The following ARK2C variants were observed in gnomAD, a reference collection of about 807,000 sequenced individuals.
ARK2C encodes E3 ubiquitin-protein ligase ARK2C.
chr18:46,436,711 A>G, the ARK2C span, among the ~76,000 whole-genome samples: 46 of 152,124 alleles, frequency 3.0e-4, no homozygotes, highest in African/African-American at 1.1e-3. Flanking sequence ...TCTCAGGTAC[A>G]CTCTCCATTA....
At chr18:46,443,807 T>C in the ARK2C span, among the ~76,000 whole-genome samples, 1 of 152,202 alleles carries the variant, frequency 6.6e-6, no homozygotes. Flanking sequence ...GGAAAAATAA[T>C]TTTTTATATG....
At chr18:46,352,224 C>G in the ARK2C span, among the ~76,000 whole-genome samples, 1 of 152,122 alleles carries the variant, frequency 6.6e-6, no homozygotes, top group Non-Finnish European at 1.5e-5. Flanking sequence ...TTGATGAACT[C>G]CAGCTGGTCA....
chr18:46,413,983 G>A, the ARK2C span, among the ~76,000 whole-genome samples: 1 of 152,122 alleles, frequency 6.6e-6, no homozygotes, highest in South Asian at 2.1e-4. Flanking sequence ...AGCATGCTCG[G>A]GTTCCTCTCT....
At chr18:46,417,231 C>T in the ARK2C span, among the ~76,000 whole-genome samples, 7 of 152,244 alleles carry the variant, frequency 4.6e-5, no homozygotes, top group Admixed American at 1.3e-4. Context: ...GTTCCTGCTT[C>T]TTACCTTTGC....
At chr18:46,423,427 T>C in the ARK2C span, among the ~76,000 whole-genome samples, 1 of 152,258 alleles carries the variant, frequency 6.6e-6, no homozygotes, top group Middle Eastern at 3.4e-3. Flanking sequence ...GTTACTGTCA[T>C]AGGCAGGAAC....
the ARK2C span, among the ~76,000 whole-genome samples, chr18:46,379,148 A>G: frequency 3.9e-5 from 6 of 152,104 alleles, no homozygotes; most frequent in Non-Finnish European, 8.8e-5. Context: ...AGGCCCCCCA[A>G]CCCTCTGATT....
At chr18:46,339,042 A>C in the ARK2C span, among the ~76,000 whole-genome samples, 1 of 152,130 alleles carries the variant, frequency 6.6e-6, no homozygotes, top group Non-Finnish European at 1.5e-5. Context: ...AGCTGAGCTG[A>C]TTTACTGTGA....
At chr18:46,424,771 G>T in the ARK2C span, among the ~76,000 whole-genome samples, 1 of 152,202 alleles carries the variant, frequency 6.6e-6, no homozygotes, top group Admixed American at 6.5e-5. Flanking sequence ...GGGCTGTCCA[G>T]GTCTGACTGT....
At chr18:46,393,932 C>T in the ARK2C span, among the ~76,000 whole-genome samples, 1 of 152,230 alleles carries the variant, frequency 6.6e-6, no homozygotes, top group Admixed American at 6.5e-5. Flanking sequence ...TACAATAGTG[C>T]CCACTGCCTG....
chr18:46,389,960 C>G, the ARK2C span, among the ~76,000 whole-genome samples: 11 of 152,166 alleles, frequency 7.2e-5, no homozygotes, highest in Non-Finnish European at 1.6e-4. Flanking sequence ...AACTCCTGAG[C>G]TCAACTGACC....
the ARK2C span, among the ~76,000 whole-genome samples, chr18:46,403,906 G>T: frequency 6.6e-6 from 1 of 151,984 alleles, no homozygotes; most frequent in Non-Finnish European, 1.5e-5. Context: ...AACAAAATCA[G>T]ATCCATTGCA....
chr18:46,460,552 A>G, the ARK2C span: 1 of 152,530 alleles, frequency 6.6e-6, no homozygotes, highest in Non-Finnish European at 1.5e-5. Flanking sequence ...TTTATTTAGA[A>G]AGGATACTAA....
the ARK2C span, among the ~76,000 whole-genome samples, chr18:46,441,987 A>AC: frequency 6.7e-6 from 1 of 148,714 alleles, no homozygotes; most frequent in Non-Finnish European, 1.5e-5. Flanking sequence ...ACACGGTGAA[A>AC]CCCCGTCTCT....
chr18:46,429,607 T>C, the ARK2C span, among the ~76,000 whole-genome samples: 15 of 152,236 alleles, frequency 9.9e-5, no homozygotes, highest in Admixed American at 9.8e-4. Flanking sequence ...TATAACATCA[T>C]ACAGGTAGTT....
the ARK2C span, among the ~76,000 whole-genome samples, chr18:46,377,043 G>A: frequency 6.6e-6 from 1 of 152,140 alleles, no homozygotes; most frequent in Non-Finnish European, 1.5e-5. Flanking sequence ...GAGTGGTCAG[G>A]CACCTAGGAG....
the ARK2C span, among the ~76,000 whole-genome samples, chr18:46,441,893 G>A: frequency 4.2e-5 from 6 of 143,240 alleles, no homozygotes; most frequent in Non-Finnish European, 4.5e-5. Flanking sequence ...GGCCGGGCGC[G>A]GTGGCTCACG....
chr18:46,397,310 T>A, the ARK2C span, among the ~76,000 whole-genome samples: 1 of 152,166 alleles, frequency 6.6e-6, no homozygotes, highest in Non-Finnish European at 1.5e-5. Flanking sequence ...CCAGTGTATG[T>A]GGTTTCTCAG....
At chr18:46,454,197 A>ATATTAAGCT in the ARK2C span, among the ~76,000 whole-genome samples, 3 of 151,950 alleles carry the variant, frequency 2.0e-5, no homozygotes, top group Non-Finnish European at 4.4e-5. Context: ...AAACAAGGTA[A>ATATTAAGCT]TATTAAGCTA....
chr18:46,379,633 C>T, the ARK2C span, among the ~76,000 whole-genome samples: 5 of 152,340 alleles, frequency 3.3e-5, no homozygotes, highest in African/African-American at 1.2e-4. Context: ...GAATTCTTCT[C>T]CCCACTCCCT....
Sources: allele counts gnomAD v4.1 joint callset (sites outside exome capture counted in the v4.1 genomes callset), GRCh38; gene constraint gnomAD v4.1.1; transcripts MANE v1.5; gene names NCBI Gene and HGNC (gene_info 2026-07-23, HGNC 2026-07-21).